Variants in SEL1L2 observed in about 807,000 individuals in gnomAD.
The protein encoded by SEL1L2 is protein sel-1 homolog 2.
Under a neutral mutation model 98.8 loss-of-function variants are expected in SEL1L2, and 89 were observed. That is an observed-to-expected ratio of 0.90 (90% CI 0.76 to 1.07). The LOEUF is 1.07. SEL1L2 is among the 50% of genes least tolerant of loss of function. The pLI, the probability that SEL1L2 is intolerant of heterozygous loss-of-function variation, is 0.00. For synonymous variants in SEL1L2, 262 were observed against 278.5 expected (o/e 0.94, Z 0.59); for missense variants, 788 against 812.0 (o/e 0.97, Z 0.36).
chr20:13,858,518 C>T (rs1989525612), intron 18 of SEL1L2, among the ~76,000 whole-genome samples: 1 of 152,154 alleles, frequency 6.6e-6, no homozygotes, highest in African/African-American at 2.4e-5. Context: ...GGGCTTATCT[C>T]GTTGAGTGGT....
chr20:13,903,144 T>A (rs997720147), intron 5 of SEL1L2, among the ~76,000 whole-genome samples: 8 of 144,768 alleles, frequency 5.5e-5, no homozygotes, highest in African/African-American at 2.0e-4. Flanking sequence ...AAAGTTAAAA[T>A]TCAAATGGTT....
At chr20:13,978,845 G>A (rs1179307858) in intron 1 of SEL1L2, among the ~76,000 whole-genome samples, 1 of 152,148 alleles carries the variant, frequency 6.6e-6, no homozygotes, top group Non-Finnish European at 1.5e-5. Flanking sequence ...GAACACTTGA[G>A]GTCCGGAGTT....
At chr20:13,943,392 T>C (rs1225440639) in intron 2 of SEL1L2, among the ~76,000 whole-genome samples, 1 of 152,016 alleles carries the variant, frequency 6.6e-6, no homozygotes, top group Non-Finnish European at 1.5e-5. Flanking sequence ...TGTATTTACA[T>C]GCAAGGAGCA....
chr20:13,880,340 C>T (rs1297744897), intron 10 of SEL1L2, among the ~76,000 whole-genome samples: 1 of 152,098 alleles, frequency 6.6e-6, no homozygotes, highest in Non-Finnish European at 1.5e-5. Context: ...TGGAGTTTTC[C>T]CCACCCTTAA....
chr20:13,943,060 G>T (rs2049850936), intron 2 of SEL1L2, among the ~76,000 whole-genome samples: 1 of 152,126 alleles, frequency 6.6e-6, no homozygotes, highest in Non-Finnish European at 1.5e-5. Context: ...ATTATCCCTT[G>T]TAGAGAAGAA....
At chr20:13,869,663 TAA>T (rs2046091546) in intron 13 of SEL1L2, 73 bp from the exon 14 acceptor site, 1 of 1,107,820 alleles carries the variant, frequency 9.0e-7, no homozygotes, top group Admixed American at 1.8e-5. Context: ...TTCCACTTCT[TAA>T]AAAGAGTATA....
chr20:13,954,909 A>G (rs910192284), intron 2 of SEL1L2, among the ~76,000 whole-genome samples: 6 of 152,204 alleles, frequency 3.9e-5, no homozygotes, highest in African/African-American at 1.4e-4. Context: ...GCTAATAACA[A>G]TCCCACTGCT....
chr20:13,929,586 C>G (rs8119418), intron 3 of SEL1L2, among the ~76,000 whole-genome samples: 1 of 145,134 alleles, frequency 6.9e-6, no homozygotes, highest in Non-Finnish European at 1.5e-5. Context: ...CTGCAAGCTC[C>G]GCCTCCCGGG....
At chr20:13,855,504 A>G (rs1989010667) in intron 18 of SEL1L2, among the ~76,000 whole-genome samples, 1 of 152,186 alleles carries the variant, frequency 6.6e-6, no homozygotes, top group Admixed American at 6.5e-5. Flanking sequence ...TGTTAGATGA[A>G]TTATTTATTA....
intron 1 of SEL1L2, among the ~76,000 whole-genome samples, chr20:13,979,425 A>C (rs1326192279): frequency 1.3e-5 from 2 of 152,236 alleles, no homozygotes; most frequent in African/African-American, 4.8e-5. Context: ...TACAACACAA[A>C]GAAATAATAA....
intron 1 of SEL1L2, among the ~76,000 whole-genome samples, chr20:13,982,402 T>C (rs1056958452): frequency 2.0e-5 from 3 of 149,218 alleles, no homozygotes; most frequent in Non-Finnish European, 4.4e-5. Flanking sequence ...TCCCAGCTAG[T>C]TGGAAGGTGG....
chr20:13,893,723 A>G (rs2047305676), intron 5 of SEL1L2, among the ~76,000 whole-genome samples: 1 of 152,214 alleles, frequency 6.6e-6, no homozygotes, highest in African/African-American at 2.4e-5. Flanking sequence ...GAGCAAAAGT[A>G]TACATTATTC....
intron 5 of SEL1L2, among the ~76,000 whole-genome samples, chr20:13,892,498 C>T (rs1278781406): frequency 1.3e-5 from 2 of 149,150 alleles, no homozygotes; most frequent in Admixed American, 1.3e-4. Context: ...ATGGTAATCA[C>T]AAAGAAAATG....
rs1388341969 is a variant in SEL1L2 at position 13,866,735 on chromosome 20, T to G, written c.1371A>C (p.Thr457=). 1 of 1,605,612 alleles carries G rather than the reference T, an allele frequency of 6.2e-7. No homozygotes were observed. The highest frequency in any genetic ancestry group is 8.5e-7 in the Non-Finnish European group (1 of 1,177,338). Residue 457 remains threonine, a synonymous_variant, in exon 15 of 20, where the codon ACA becomes ACC. Coordinates refer to ENST00000284951, the MANE Select transcript of SEL1L2 (RefSeq NM_025229.2). ...YYLAKMYATG[T]GVVRSCRTAV... ...CAGTTCTGCATGATCTTACTACTCCTGTTCCTGTTGCATACATCTTGGCCA... is the reference window on the plus strand; with the variant it reads ...CAGTTCTGCATGATCTTACTACTCCGGTTCCTGTTGCATACATCTTGGCCA...
chr20:13,924,817 C>A (rs991311543), intron 3 of SEL1L2, among the ~76,000 whole-genome samples: 1 of 152,018 alleles, frequency 6.6e-6, no homozygotes, highest in African/African-American at 2.4e-5. Flanking sequence ...ATTCTGTAGA[C>A]TTTTGCAGGT....
intron 5 of SEL1L2, among the ~76,000 whole-genome samples, chr20:13,903,940 C>A (rs933532257): frequency 6.6e-5 from 10 of 152,134 alleles, no homozygotes; most frequent in Non-Finnish European, 1.2e-4. Context: ...ATTATCAAGC[C>A]CACATTTTTA....
chr20:13,861,793 A>C (rs1990182964), intron 17 of SEL1L2, among the ~76,000 whole-genome samples: 1 of 152,088 alleles, frequency 6.6e-6, no homozygotes, highest in Non-Finnish European at 1.5e-5. Context: ...TCTGCACAAG[A>C]TCCCTGCATT....
intron 2 of SEL1L2, among the ~76,000 whole-genome samples, chr20:13,955,423 G>A (rs948738612): frequency 8.6e-5 from 13 of 151,986 alleles, no homozygotes; most frequent in Non-Finnish European, 1.8e-4. Context: ...GAACACGAAA[G>A]GGGGGCACAT....
chr20:13,921,185 T>G (rs1238801743), intron 3 of SEL1L2, among the ~76,000 whole-genome samples: 1 of 152,224 alleles, frequency 6.6e-6, no homozygotes, highest in African/African-American at 2.4e-5. Flanking sequence ...GTATTGGAAT[T>G]CAATTATTCG....
Sources: gnomAD v4.1 joint callset for allele counts (sites outside exome capture counted in the v4.1 genomes callset) on GRCh38, gnomAD v4.1.1 for gene constraint, MANE v1.5 for transcripts, NCBI Gene and HGNC (gene_info 2026-07-23, HGNC 2026-07-21) for gene names.